Variants in TMEM117 observed in about 807,000 individuals in gnomAD.
TMEM117 encodes the protein transmembrane protein 117.
A neutral mutation model predicts 52.4 loss-of-function variants in TMEM117; 27 were observed. The observed-to-expected ratio is 0.51, with a 90% CI of 0.38 to 0.71. The LOEUF (loss-of-function observed/expected upper bound fraction) is 0.71. Ranked by LOEUF, TMEM117 falls within the 30% of genes least tolerant of loss-of-function variation. TMEM117 has a pLI of 0.00. For synonymous variants in TMEM117, 215 were observed against 206.3 expected (o/e 1.04, Z -0.36); for missense variants, 556 against 630.5 (o/e 0.88, Z 1.26).
At chr12:43,800,610 T>C in the TMEM117 span, 2 of 1,102,876 alleles carry the variant, frequency 1.8e-6, no homozygotes, top group Non-Finnish European at 2.7e-6. Flanking sequence ...AATATATTAA[T>C]ATCCTGAATC....
intron 7 of TMEM117, among the ~76,000 whole-genome samples, chr12:44,382,771 A>G (rs1205945592): frequency 6.6e-6 from 1 of 152,220 alleles, no homozygotes; most frequent in East Asian, 1.9e-4. Context: ...AGTCTTAAGA[A>G]GGTACTTTGA....
At chr12:44,325,591 T>C (rs1756568858) in intron 6 of TMEM117, among the ~76,000 whole-genome samples, 1 of 152,132 alleles carries the variant, frequency 6.6e-6, no homozygotes, top group East Asian at 1.9e-4. Flanking sequence ...GGATGGTTAA[T>C]ATTTTTCTCA....
chr12:44,395,216 C>T, the TMEM117 span, among the ~76,000 whole-genome samples: 1 of 152,148 alleles, frequency 6.6e-6, no homozygotes, highest in African/African-American at 2.4e-5. Flanking sequence ...ATTTGAAGCA[C>T]AACATGTTGA....
chr12:43,936,752 A>G (rs1038420573), intron 2 of TMEM117, among the ~76,000 whole-genome samples: 4 of 152,188 alleles, frequency 2.6e-5, no homozygotes, highest in Admixed American at 6.5e-5. Flanking sequence ...GTTAAAGACC[A>G]ATATATTTAT....
At chr12:44,353,032 T>G (rs1348943743) in intron 6 of TMEM117, among the ~76,000 whole-genome samples, 1 of 152,176 alleles carries the variant, frequency 6.6e-6, no homozygotes, top group Non-Finnish European at 1.5e-5. Context: ...TGATTTGCAT[T>G]TCTCTGATGG....
chr12:43,891,657 C>A (rs1006503788), intron 2 of TMEM117, among the ~76,000 whole-genome samples: 1 of 151,980 alleles, frequency 6.6e-6, no homozygotes, highest in African/African-American at 2.4e-5. Context: ...TGAGCCACTG[C>A]GCCCAGCCAG....
At chr12:43,902,511 C>G (rs544772070) in intron 2 of TMEM117, among the ~76,000 whole-genome samples, 1 of 152,154 alleles carries the variant, frequency 6.6e-6, no homozygotes, top group Non-Finnish European at 1.5e-5. Context: ...GTTCCCTTCT[C>G]GTGAGGATGC....
chr12:44,270,890 A>G (rs1950437732), intron 5 of TMEM117, among the ~76,000 whole-genome samples: 1 of 151,928 alleles, frequency 6.6e-6, no homozygotes, highest in Non-Finnish European at 1.5e-5. Flanking sequence ...ATTTTTATTT[A>G]TAATTATGTT....
At chr12:44,089,994 C>A (rs935447926) in intron 3 of TMEM117, among the ~76,000 whole-genome samples, 2 of 152,136 alleles carry the variant, frequency 1.3e-5, no homozygotes, top group African/African-American at 4.8e-5. Flanking sequence ...GCAATACTTA[C>A]CACATAATGT....
chr12:43,811,613 A>G, the TMEM117 span, among the ~76,000 whole-genome samples: 2 of 152,190 alleles, frequency 1.3e-5, no homozygotes, highest in African/African-American at 4.8e-5. Flanking sequence ...CATACAGTTC[A>G]TTGGTTCATA....
At chr12:44,206,477 G>T (rs1305224164) in intron 4 of TMEM117, among the ~76,000 whole-genome samples, 1 of 152,152 alleles carries the variant, frequency 6.6e-6, no homozygotes, top group Non-Finnish European at 1.5e-5. Context: ...TATGCCTAAA[G>T]GATATAAATT....
intron 6 of TMEM117, among the ~76,000 whole-genome samples, chr12:44,345,200 C>T (rs1412053772): frequency 6.6e-6 from 1 of 152,054 alleles, no homozygotes; most frequent in Non-Finnish European, 1.5e-5. Context: ...GTGGGACTCA[C>T]TGTCAGAAGG....
intron 3 of TMEM117, among the ~76,000 whole-genome samples, chr12:44,102,411 C>T (rs1947877451): frequency 6.6e-6 from 1 of 151,938 alleles, no homozygotes. Context: ...TGATTTCTTG[C>T]AGTTCTTTTT....
At chr12:44,393,352 T>A (rs57966823), downstream of TMEM117, among the ~76,000 whole-genome samples, 6,519 of 152,244 alleles carry the variant, frequency 0.043, 467 homozygotes, top group African/African-American at 0.15. Context: ...ATAAACTTTT[T>A]CACCCTATCC....
chr12:44,354,932 A>G (rs1377496552), intron 6 of TMEM117, among the ~76,000 whole-genome samples: 1 of 152,098 alleles, frequency 6.6e-6, no homozygotes, highest in African/African-American at 2.4e-5. Flanking sequence ...ATTCTTTTGA[A>G]AATTCTATGC....
Position 44,143,557 on chromosome 12 carries a change from G to C in TMEM117, c.443G>C (p.Arg148Pro), listed in dbSNP as rs145821678. The change falls in exon 4 of 8, where the codon CGA (arginine) becomes CCA (proline). Residue 148 changes from arginine to proline, a missense_variant. Around this residue, in one of 3 missense-constraint regions of TMEM117, gnomAD observed 328 missense variants for 371.4 expected, o/e 0.88. Coordinates refer to ENST00000266534, the MANE Select transcript of TMEM117 (RefSeq NM_032256.3). ...AYIITDYMGIRNESFMKLAAV... is the reference protein window; with the variant it reads ...AYIITDYMGIPNESFMKLAAV... ...ATCATTACAGACTATATGGGCATCC[G>C]AAATGAAAGTTTCATGAAATTAGCT... 1.9e-6 allele frequency: 3 copies of C among 1,613,796 alleles called. No homozygotes were observed. The African/African-American group carries it at 4.0e-5, about 22-fold the overall frequency.
At chr12:44,037,008 C>G (rs1022303807) in intron 3 of TMEM117, among the ~76,000 whole-genome samples, 2 of 152,130 alleles carry the variant, frequency 1.3e-5, no homozygotes, top group African/African-American at 4.8e-5. Flanking sequence ...CTGGAGTGAC[C>G]GCTGCAAACA....
At chr12:44,190,989 C>T (rs1156556922) in intron 4 of TMEM117, among the ~76,000 whole-genome samples, 1 of 149,788 alleles carries the variant, frequency 6.7e-6, no homozygotes, top group Non-Finnish European at 1.5e-5. Flanking sequence ...TCTATTCTCA[C>T]ACTGCTAATA....
At chr12:44,050,074 T>C (rs1946945586) in intron 3 of TMEM117, among the ~76,000 whole-genome samples, 1 of 152,094 alleles carries the variant, frequency 6.6e-6, no homozygotes, top group African/African-American at 2.4e-5. Context: ...GGAAATGAGG[T>C]GGGGCCTCTG....
Sources: gnomAD v4.1 joint callset for allele counts (sites outside exome capture counted in the v4.1 genomes callset) on GRCh38, gnomAD v4.1.1 for gene constraint, gnomAD v4.1.1 regional missense constraint, MANE v1.5 for transcripts, NCBI Gene and HGNC (gene_info 2026-07-23, HGNC 2026-07-21) for gene names.